The following BEAN1 variants were observed in gnomAD, a reference collection of about 807,000 sequenced individuals.
The protein encoded by BEAN1 is brain expressed associated with NEDD4 1, also known as protein BEAN1.
In BEAN1, 17 loss-of-function variants were observed where a neutral mutation model predicts 17.7. The observed-to-expected ratio is 0.96, with a 90% CI of 0.66 to 1.44. BEAN1 has a LOEUF of 1.44. Ranked by LOEUF, BEAN1 falls within the 40% of genes most tolerant of loss-of-function variation. The probability of loss-of-function intolerance (pLI) is 0.00; values close to 1 mark genes in which losing one functional copy is unlikely to be tolerated. For missense variants in BEAN1, 359 were observed against 374.1 expected (o/e 0.96, Z 0.33); for synonymous variants, 142 against 151.8 (o/e 0.94, Z 0.47).
chr16:66,465,536 T>C (rs1963232208), intron 2 of BEAN1, among the ~76,000 whole-genome samples: 1 of 152,240 alleles, frequency 6.6e-6, no homozygotes, highest in Non-Finnish European at 1.5e-5. Flanking sequence ...CTTTAACCAT[T>C]TTTAAGTATA....
chr16:66,430,665 A>G (rs1297386575), intron 1 of BEAN1, among the ~76,000 whole-genome samples: 1 of 152,240 alleles, frequency 6.6e-6, no homozygotes. Flanking sequence ...AAACTGATTT[A>G]AAAGAGCAGT....
At chr16:66,431,288 A>C (rs907825134) in intron 1 of BEAN1, among the ~76,000 whole-genome samples, 1 of 152,194 alleles carries the variant, frequency 6.6e-6, no homozygotes. Flanking sequence ...CTGGCTCTTG[A>C]CAACAAACAA....
chr16:66,465,171 T>C (rs1474460666), intron 2 of BEAN1, among the ~76,000 whole-genome samples: 1 of 152,228 alleles, frequency 6.6e-6, no homozygotes, highest in African/African-American at 2.4e-5. Flanking sequence ...TCCTAAAGTC[T>C]ATTGATATGG....
intron 4 of BEAN1, among the ~76,000 whole-genome samples, chr16:66,490,454 T>TACAATACA (rs1555522952): frequency 2.2e-5 from 1 of 45,130 alleles, no homozygotes; most frequent in Admixed American, 2.3e-4. Flanking sequence ...TAAAATAAAA[T>TACAATACA]AATAAAATAA....
At chr16:66,451,795 T>C (rs144624826) in intron 2 of BEAN1, among the ~76,000 whole-genome samples, 1 of 152,210 alleles carries the variant, frequency 6.6e-6, no homozygotes, top group Non-Finnish European at 1.5e-5. Flanking sequence ...CAGGATTGTC[T>C]GTGTCTTATT....
chr16:66,490,640 G>A (rs544337075), intron 4 of BEAN1, among the ~76,000 whole-genome samples: 5 of 152,096 alleles, frequency 3.3e-5, no homozygotes, highest in East Asian at 1.9e-4. Context: ...AGCCTGTCCC[G>A]CACACTAGCA....
Position 66,434,607 on chromosome 16 carries a change from C to A in BEAN1, c.-82-2988C>A, listed in dbSNP as rs769444807. 1.3e-5 allele frequency among the ~76,000 whole-genome samples: 2 copies of A among 152,100 alleles called. No homozygotes were observed. The highest frequency in any genetic ancestry group is 2.9e-5 in the Non-Finnish European group (2 of 68,016). On this transcript the variant is annotated intron_variant, in intron 1 of 4. Coordinates refer to ENST00000536005, the MANE Select transcript of BEAN1 (RefSeq NM_001178020.3). The surrounding 1 kb of genome is among the most constrained non-coding windows in gnomAD (Gnocchi z 4.3). ...TGGGAAATGAATCAATGGATGCAAG[C>A]CTGGGGTGCTAGGAGGTTGCAGCGG...
At chr16:66,468,273 G>C (rs1186838783) in intron 2 of BEAN1, among the ~76,000 whole-genome samples, 2 of 152,246 alleles carry the variant, frequency 1.3e-5, no homozygotes, top group Non-Finnish European at 2.9e-5. Context: ...AGGACACAGA[G>C]AGTGATCAAA....
chr16:66,480,590 G>C lies in BEAN1; in HGVS notation c.445G>C (p.Glu149Gln). 1 of 1,534,864 alleles carries C rather than the reference G, an allele frequency of 6.5e-7. No individual in the cohort carries two copies. Among genetic ancestry groups the C allele is most frequent in the Non-Finnish European group, 8.8e-7 (1 of 1,134,532 alleles). Reference sequence around the variant, plus strand: ...AGGGAGCCTCTTCTCTCGTAGCTACGAGGAGTGTGTGGGGCCAGGGGCCAC... The same window carrying C: ...AGGGAGCCTCTTCTCTCGTAGCTACCAGGAGTGTGTGGGGCCAGGGGCCAC... Reference protein sequence around the residue: ...ELYPDSPPGYEECVGPGATQL... With the variant: ...ELYPDSPPGYQECVGPGATQL... Residue 149 changes from glutamate to glutamine, a missense_variant, in exon 5 of 5, where the codon GAG becomes CAG. By Grantham distance (29) the Glu-to-Gln change is conservative (BLOSUM62 2). Transcript: ENST00000536005.
Position 66,469,783 on chromosome 16 carries a change from GCACCGC to G in BEAN1, c.218_223del (p.Arg73_His74del), listed in dbSNP as rs1567501940. 1 of 1,535,894 alleles carries G rather than the reference GCACCGC, an allele frequency of 6.5e-7. No homozygotes were observed. ...GGGACAGGCAGGCCCGGCTTCAGCG[GCACCGC>G]CACCGCCACCACCGCCACCACCACC... is the stretch of plus-strand genomic sequence containing the variant. On this transcript the variant is annotated inframe_deletion, in exon 3 of 5. Coordinates refer to ENST00000536005, the MANE Select transcript of BEAN1 (RefSeq NM_001178020.3).
In BEAN1 at chr16:66,465,975, GCTAA is replaced by G. The variant is rs377358178; in HGVS notation, c.26-3624_26-3621del. Among the ~76,000 whole-genome samples the G allele has an allele frequency of 4.1e-3, 629 of 152,258 alleles. 5 individuals carry two copies. The highest frequency in any genetic ancestry group is 0.015 in the African/African-American group (614 of 41,532). On this transcript the variant is annotated intron_variant, in intron 2 of 4. Transcript: ENST00000536005. ...CCACAGGTGTGTGCCACCACACCTG[GCTAA>G]CTTTTTGTATTTTTAGTAGAGATGG...
intron 2 of BEAN1, among the ~76,000 whole-genome samples, chr16:66,450,831 A>G (rs1310553148): frequency 6.6e-6 from 1 of 152,246 alleles, no homozygotes. Context: ...GAGCAGAGGT[A>G]TCAAAAGCAC....
chr16:66,441,262 C>A (rs1487194938), intron 2 of BEAN1, among the ~76,000 whole-genome samples: 2 of 152,148 alleles, frequency 1.3e-5, no homozygotes, highest in Admixed American at 1.3e-4. Flanking sequence ...GGCTCACAGA[C>A]CAGAGGCCCT....
intron 3 of BEAN1, chr16:66,475,656 A>C (rs1318705892): frequency 6.6e-6 from 1 of 152,144 alleles, no homozygotes; most frequent in Non-Finnish European, 1.5e-5. Context: ...TTCTTCCAAA[A>C]ATTCTGTCTC....
Position 66,434,385 on chromosome 16 carries a change from C to T in BEAN1, c.-82-3210C>T, listed in dbSNP as rs747381557. Among the ~76,000 whole-genome samples, 20 of 152,126 alleles carry T rather than the reference C, an allele frequency of 1.3e-4. No homozygotes were observed. Among genetic ancestry groups the T allele is most frequent in the South Asian group, 4.1e-4 (2 of 4,824 alleles). On this transcript the variant is annotated intron_variant, in intron 1 of 4. Coordinates refer to ENST00000536005, the MANE Select transcript of BEAN1 (RefSeq NM_001178020.3). This position sits in a 1 kb window ranked among gnomAD's most constrained non-coding sequence, Gnocchi z 4.3. Reference sequence around the variant, plus strand: ...CCCAGCTCCTTTGTCTTGATGACCCCGACAAAGCTCTACCCTAGCAGAGGG... The same window carrying T: ...CCCAGCTCCTTTGTCTTGATGACCCTGACAAAGCTCTACCCTAGCAGAGGG...
intron 4 of BEAN1, among the ~76,000 whole-genome samples, chr16:66,488,540 ACT>A (rs1475127390): frequency 6.8e-6 from 1 of 147,626 alleles, no homozygotes; most frequent in African/African-American, 2.5e-5. Context: ...AAAAAAAAAA[ACT>A]GTTTTAATTA....
chr16:66,441,924 G>C (rs1962275330), intron 2 of BEAN1, among the ~76,000 whole-genome samples: 1 of 152,118 alleles, frequency 6.6e-6, no homozygotes, highest in Non-Finnish European at 1.5e-5. Flanking sequence ...AGGCATTTCA[G>C]CTCATCCCTG....
intron 3 of BEAN1, 56 bp from the exon 4 acceptor site, chr16:66,477,504 A>T: frequency 6.9e-7 from 1 of 1,459,754 alleles, no homozygotes; most frequent in Non-Finnish European, 9.1e-7. Flanking sequence ...ACAGACCCAT[A>T]AGGACCATCC....
At chr16:66,436,802 C>T (rs940590605) in intron 1 of BEAN1, among the ~76,000 whole-genome samples, 7 of 152,178 alleles carry the variant, frequency 4.6e-5, no homozygotes, top group Admixed American at 3.9e-4. Context: ...ACCTGGCCCT[C>T]CCTCACTGCT....
Sources: gnomAD v4.1 joint callset for allele counts (sites outside exome capture counted in the v4.1 genomes callset) on GRCh38, gnomAD v4.1.1 for gene constraint, Gnocchi (gnomAD v3.1) non-coding constraint, MANE v1.5 for transcripts, NCBI Gene and HGNC (gene_info 2026-07-23, HGNC 2026-07-21) for gene names.